The following AKT2 variants were observed in gnomAD, a reference collection of about 807,000 sequenced individuals.
AKT2 encodes RAC-beta serine/threonine-protein kinase.
A neutral mutation model predicts 58.6 loss-of-function variants in AKT2; 16 were observed. The ratio of observed to expected loss-of-function variants is 0.27; its 90% confidence interval spans 0.18 to 0.41. The LOEUF (loss-of-function observed/expected upper bound fraction) is 0.41, where lower values mean the gene tolerates loss of function less well. Among genes scored for constraint, AKT2 ranks in the 10% least tolerant of loss-of-function variants. The probability of loss-of-function intolerance (pLI) is 1.00; values close to 1 mark genes in which losing one functional copy is unlikely to be tolerated. For synonymous variants in AKT2, 253 were observed against 254.0 expected (o/e 1.00, Z 0.04); for missense variants, 438 against 661.0 (o/e 0.66, Z 3.70).
Position 40,233,659 on chromosome 19 carries a change from G to A in AKT2, c.*213C>T, listed in dbSNP as rs758700810. On this transcript the variant is annotated 3_prime_UTR_variant, in exon 14 of 14. Transcript: ENST00000392038. The surrounding 1 kb of genome is among the most constrained non-coding windows in gnomAD (Gnocchi z 4.3). ...GGGCGGGAGGTGGAGTCTTCCAAAT[G>A]CGAGTCTGGGCACAAAGGTGAGGCT... is the stretch of plus-strand genomic sequence containing the variant. The A allele has an allele frequency of 9.2e-6, 7 of 761,200 alleles. No individual in the cohort carries two copies. In the African/African-American group the frequency reaches 1.2e-4, roughly 13 times the overall value. The allele number at this position is 761,200 out of a possible 1,614,324, so 47.2% of individuals were successfully genotyped here.
chr19:40,236,162 C>A, intron 10 of AKT2, 58 bp from the exon 11 acceptor site: 1 of 1,613,372 alleles, frequency 6.2e-7, no homozygotes, highest in Non-Finnish European at 8.5e-7. Context: ...GCATCACAGT[C>A]CTGCCCTCAG....
rs1316408057 is a variant in AKT2, at chr19:40,235,063, T to C, written c.1348A>G (p.Ile450Val). The change falls in exon 13 of 14, where the codon ATC becomes GTC. Residue 450 changes from isoleucine (I) to valine (V), a missense_variant. Ile to Val is a conservative substitution (Grantham distance 29). Transcript: ENST00000392038. The surrounding 1 kb of genome is among the most constrained non-coding windows in gnomAD (Gnocchi z 6.3). ...DDEFTAQSITITPPDRYDSLG... is the reference protein window; with the variant it reads ...DDEFTAQSITVTPPDRYDSLG... ...CACTCACAGCGGTCAGGGGGTGTGA[T>C]TGTGATGGACTGGGCGGTAAATTCA... 3.7e-6 allele frequency: 6 copies of C among 1,613,972 alleles called. No homozygotes were observed. The highest frequency in any genetic ancestry group is 1.1e-5 in the South Asian group (1 of 91,078).
rs1465621489 is a variant in AKT2, at chr19:40,235,015, C to T, written c.1366+30G>A. 1 of 1,591,056 alleles carries T rather than the reference C, an allele frequency of 6.3e-7. No individual in the cohort carries two copies. On this transcript the variant is annotated intron_variant, in intron 13 of 13. Coordinates refer to ENST00000392038, the MANE Select transcript of AKT2 (RefSeq NM_001626.6). The surrounding 1 kb of genome is among the most constrained non-coding windows in gnomAD (Gnocchi z 6.3). ...CCCATCCCTCCACCCCTGGGGCAGGCACACCAGCGCGGGGGCCCCAGGCAC... is the reference window on the plus strand; with the variant it reads ...CCCATCCCTCCACCCCTGGGGCAGGTACACCAGCGCGGGGGCCCCAGGCAC...
At chr19:40,244,626 T>C (rs988043116) in intron 4 of AKT2, among the ~76,000 whole-genome samples, 7 of 152,200 alleles carry the variant, frequency 4.6e-5, no homozygotes, top group African/African-American at 1.7e-4. Context: ...AAAATACTCA[T>C]ATGACCAACA....
intron 2 of AKT2, 75 bp downstream of exon 2, chr19:40,265,147 T>C: frequency 6.4e-7 from 1 of 1,570,188 alleles, no homozygotes; most frequent in Non-Finnish European, 8.6e-7. Flanking sequence ...CCTCCGCCTC[T>C]GCCTCTCAGG....
At chr19:40,248,496 C>T (rs977013898) in intron 4 of AKT2, among the ~76,000 whole-genome samples, 2 of 152,140 alleles carry the variant, frequency 1.3e-5, no homozygotes, top group Non-Finnish European at 2.9e-5. Flanking sequence ...GAGGAGATGA[C>T]GTTTAAACCA....
chr19:40,282,061 C>G (rs1452632810), intron 1 of AKT2, among the ~76,000 whole-genome samples: 4 of 152,206 alleles, frequency 2.6e-5, no homozygotes, highest in African/African-American at 4.8e-5. Context: ...CACCTCTTTA[C>G]AGAGGCTGGA....
At chr19:40,253,470 G>A (rs139227286) in intron 4 of AKT2, among the ~76,000 whole-genome samples, 402 of 142,926 alleles carry the variant, frequency 2.8e-3, no homozygotes, top group Non-Finnish European at 4.6e-3. Flanking sequence ...AGACAATATA[G>A]ACACTTCAGA....
Position 40,238,234 on chromosome 19 carries a change from G to T in AKT2, c.709-143C>A. The T allele has an allele frequency of 8.5e-7, 1 of 1,175,168 alleles. No individual in the cohort carries two copies. Among genetic ancestry groups the T allele is most frequent in the Non-Finnish European group, 1.2e-6 (1 of 832,310 alleles). 72.8% of individuals were successfully genotyped at this position (1,175,168 alleles called of 1,614,324 possible). On this transcript the variant is annotated intron_variant, in intron 8 of 13. Transcript: ENST00000392038. This position sits in a 1 kb window ranked among gnomAD's most constrained non-coding sequence, Gnocchi z 5.1. ...AGTGACAGCTAGAGGGACCAATCAA[G>T]GCAGAGCGCAGAAGCTCATAAGTGA... is the stretch of plus-strand genomic sequence containing the variant.
intron 3 of AKT2, 138 bp downstream of exon 3, chr19:40,256,788 G>T: frequency 7.5e-7 from 1 of 1,339,186 alleles, no homozygotes; most frequent in East Asian, 2.4e-5. Context: ...GGGAGAGCAG[G>T]GGAAGGGTGA....
chr19:40,250,438 T>C (rs1975074185), intron 4 of AKT2, among the ~76,000 whole-genome samples: 1 of 151,622 alleles, frequency 6.6e-6, no homozygotes, highest in African/African-American at 2.4e-5. Context: ...AGGAGGAAGA[T>C]GTTGCAGTGA....
rs779495342 is a variant in AKT2, at chr19:40,238,940, G to A, written c.673C>T (p.Leu225=). 6.2e-7 allele frequency: 1 copy of A among 1,614,126 alleles called. No individual in the cohort carries two copies. The highest frequency in any genetic ancestry group is 2.2e-5 in the East Asian group (1 of 44,874). The change falls in exon 8 of 14, where the codon CTG becomes TTG. Residue 225 remains leucine (L), a synonymous_variant. Coordinates refer to ENST00000392038, the MANE Select transcript of AKT2 (RefSeq NM_001626.6). This position sits in a 1 kb window ranked among gnomAD's most constrained non-coding sequence, Gnocchi z 5.1. ...TTGGCATACTCCATCACAAAGCACAGGCGGTCGTGGGTCTGGAAGGCATAC... is the reference window on the plus strand; with the variant it reads ...TTGGCATACTCCATCACAAAGCACAAGCGGTCGTGGGTCTGGAAGGCATAC... The part of the protein sequence containing the change: ...LKYAFQTHDR[L]CFVMEYANGG...
At chr19:40,275,768 G>GGT in intron 1 of AKT2, among the ~76,000 whole-genome samples, 1 of 101,954 alleles carries the variant, frequency 9.8e-6, no homozygotes, top group African/African-American at 3.5e-5. Context: ...GGAGGCTGGG[G>GGT]GGGGGGGGGG....
At chr19:40,246,336 G>C (rs1470200873) in intron 4 of AKT2, among the ~76,000 whole-genome samples, 1 of 152,164 alleles carries the variant, frequency 6.6e-6, no homozygotes, top group African/African-American at 2.4e-5. Context: ...ATGTTGGCCA[G>C]GATGGTCTCG....
Position 40,235,386 on chromosome 19 carries a change from A to G in AKT2, c.1176-36T>C, listed in dbSNP as rs200834042. The G allele has an allele frequency of 6.2e-7, 1 of 1,608,690 alleles. No homozygotes were observed. The highest frequency in any genetic ancestry group is 2.2e-5 in the East Asian group (1 of 44,850). Reference sequence around the variant, plus strand: ...ACGGCCGTCAGCACCTGCCTCCCGGAGCAGCTGGGTTCGGGCAGACGGGCT... The same window carrying G: ...ACGGCCGTCAGCACCTGCCTCCCGGGGCAGCTGGGTTCGGGCAGACGGGCT... On this transcript the variant is annotated intron_variant, in intron 11 of 13. Coordinates refer to ENST00000392038, the MANE Select transcript of AKT2 (RefSeq NM_001626.6). This position sits in a 1 kb window ranked among gnomAD's most constrained non-coding sequence, Gnocchi z 6.3.
chr19:40,278,500 A>G (rs1455125703), intron 1 of AKT2, among the ~76,000 whole-genome samples: 1 of 152,120 alleles, frequency 6.6e-6, no homozygotes, highest in African/African-American at 2.4e-5. Flanking sequence ...CCCACCTCCC[A>G]GGCTGCTGTG....
rs1973716117 is a variant in AKT2, at chr19:40,231,815, C to G, written c.*2057G>C. ...GGTTCTAACCAAACGCTCAGGAGCT[C>G]CCAGGTGACAGCAACCACGCCACCA... On this transcript the variant is annotated 3_prime_UTR_variant, in exon 14 of 14. Coordinates refer to ENST00000392038, the MANE Select transcript of AKT2 (RefSeq NM_001626.6). 1 of 233,832 alleles carries G rather than the reference C, an allele frequency of 4.3e-6. No individual in the cohort carries two copies. The highest frequency in any genetic ancestry group is 5.6e-5 in the Admixed American group (1 of 17,810). 14.5% of individuals were successfully genotyped at this position (233,832 alleles called of 1,614,324 possible).
At chr19:40,266,135 G>A (rs986283625) in intron 1 of AKT2, 3 of 152,414 alleles carry the variant, frequency 2.0e-5, no homozygotes, top group African/African-American at 7.2e-5. Context: ...GGACGCCGAG[G>A]CCACTGCTTC....
intron 1 of AKT2, among the ~76,000 whole-genome samples, chr19:40,283,463 G>C (rs1393862576): frequency 6.6e-6 from 1 of 152,186 alleles, no homozygotes; most frequent in Non-Finnish European, 1.5e-5. Flanking sequence ...TTCTCTCCAG[G>C]AACCACGAGC....
Sources: allele counts gnomAD v4.1 joint callset (sites outside exome capture counted in the v4.1 genomes callset), GRCh38; gene constraint gnomAD v4.1.1; non-coding constraint Gnocchi (gnomAD v3.1); transcripts MANE v1.5; gene names NCBI Gene and HGNC (gene_info 2026-07-23, HGNC 2026-07-21).